CD68: variants seen among roughly 807,000 people sequenced by gnomAD.
The protein encoded by CD68 is macrosialin.
In CD68, 24 loss-of-function variants were observed where a neutral mutation model predicts 31.3. The ratio of observed to expected loss-of-function variants is 0.77; its 90% CI spans 0.55 to 1.08. CD68 has a LOEUF of 1.08. CD68 is among the 50% of genes least tolerant of loss of function. The pLI, the probability that CD68 is intolerant of heterozygous loss-of-function variation, is 0.00. For synonymous variants in CD68, 190 were observed against 179.6 expected (o/e 1.06, Z -0.46); for missense variants, 461 against 442.5 (o/e 1.04, Z -0.38).
rs1442473275 is a variant in CD68 at position 7,579,922 on chromosome 17, C to G, written c.162C>G (p.Thr54=). The change falls in exon 2 of 6, where the codon ACC becomes ACG. Residue 54 remains threonine, a synonymous_variant. Transcript: ENST00000250092. ...CTGGAACAACCAGCCACAGGACTACCAAGAGCCACAAAACCACCACTCACA... is the reference window on the plus strand; with the variant it reads ...CTGGAACAACCAGCCACAGGACTACGAAGAGCCACAAAACCACCACTCACA... ...ESTGTTSHRT[T]KSHKTTTHRT... 1.2e-6 allele frequency: 2 copies of G among 1,614,034 alleles called. No homozygotes were observed. The highest frequency in any genetic ancestry group is 1.3e-5 in the African/African-American group (1 of 74,978).
At position 7,580,017 on chromosome 17, in the gene CD68, A is replaced by G. The variant is rs1276962892; in HGVS notation, c.257A>G (p.His86Arg). ...TATHNPTTTS[H>R]GNVTVHPTSN... is the part of the protein sequence containing the mutation. ...ACTCACAACCCCACCACCACCAGCC[A>G]TGGAAACGTCACAGTTCATCCAACA... The change falls in exon 2 of 6, where the codon CAT (histidine) becomes CGT (arginine). Residue 86 changes from histidine (H) to arginine (R), a missense_variant. Coordinates refer to ENST00000250092, the MANE Select transcript of CD68 (RefSeq NM_001251.3). The surrounding 1 kb of genome is among the most constrained non-coding windows in gnomAD (Gnocchi z 4.3). 7 of 1,609,020 alleles carry G rather than the reference A, an allele frequency of 4.4e-6. No homozygotes were observed. The highest frequency in any genetic ancestry group is 6.0e-6 in the Non-Finnish European group (7 of 1,175,932).
intron 5 of CD68, 82 bp downstream of exon 5, chr17:7,581,148 TCTC>T: frequency 7.5e-7 from 1 of 1,328,958 alleles, no homozygotes; most frequent in Non-Finnish European, 1.1e-6. Context: ...GCCACTCATC[TCTC>T]TTCTTAACCC....
At chr17:7,581,155 T>C (rs2071480014) in intron 5 of CD68, 89 bp downstream of exon 5, 1 of 1,290,452 alleles carries the variant, frequency 7.7e-7, no homozygotes, top group Non-Finnish European at 1.1e-6. Context: ...ATCTCTCTTC[T>C]TAACCCCCCA....
At chr17:7,581,182 C>T in intron 5 of CD68, 116 bp downstream of exon 5, 1 of 1,174,130 alleles carries the variant, frequency 8.5e-7, no homozygotes. Context: ...GCTCTCCCAG[C>T]TTGTCATGGC....
At position 7,580,835 on chromosome 17, in the gene CD68, T is replaced by C; in HGVS notation, c.760+52T>C. 1.2e-6 allele frequency: 2 copies of C among 1,613,678 alleles called. No homozygotes were observed. Among genetic ancestry groups the C allele is most frequent in the Non-Finnish European group, 8.5e-7 (1 of 1,179,674 alleles). The stretch of plus-strand genomic sequence containing the variant: ...TGCTACCACTAGACGCCAGGGTTCC[T>C]GAAAGGACTAAGCTGGGGCCAGGGA... On this transcript the variant is annotated intron_variant, in intron 4 of 5. Transcript: ENST00000250092. This position sits in a 1 kb window ranked among gnomAD's most constrained non-coding sequence, Gnocchi z 4.3.
chr17:7,580,378 G>C lies in CD68; in HGVS notation c.567+51G>C, dbSNP rs1318132063. 1.2e-6 allele frequency: 2 copies of C among 1,608,906 alleles called. No individual in the cohort carries two copies. Among genetic ancestry groups the C allele is most frequent in the Non-Finnish European group, 1.7e-6 (2 of 1,176,444 alleles). Reference sequence around the variant, plus strand: ...GGGGAGGGAGGCAGGACTGGATATAGGCTCAGAGGGAAGAAGGAAGAGGGG... The same window carrying C: ...GGGGAGGGAGGCAGGACTGGATATACGCTCAGAGGGAAGAAGGAAGAGGGG... On this transcript the variant is annotated intron_variant, in intron 2 of 5. Transcript: ENST00000250092. The surrounding 1 kb of genome is among the most constrained non-coding windows in gnomAD (Gnocchi z 4.3).
Position 7,581,540 on chromosome 17 carries a change from G to C in CD68, c.*29G>C, listed in dbSNP as rs145691004. 6.2e-7 allele frequency: 1 copy of C among 1,613,198 alleles called. No individual in the cohort carries two copies. Among genetic ancestry groups the C allele is most frequent in the Admixed American group, 1.7e-5 (1 of 60,012 alleles). On this transcript the variant is annotated 3_prime_UTR_variant, in exon 6 of 6. Coordinates refer to ENST00000250092, the MANE Select transcript of CD68 (RefSeq NM_001251.3). Reference sequence around the variant, plus strand: ...TTTGCTTCAAACCCCAGGGCACTGAGGGGGTTGGGGTGTGGTGGGGGGGTA... The same window carrying C: ...TTTGCTTCAAACCCCAGGGCACTGACGGGGTTGGGGTGTGGTGGGGGGGTA...
chr17:7,580,564 C>T lies in CD68; in HGVS notation c.666C>T (p.His222=). 1 of 1,614,052 alleles carries T rather than the reference C, an allele frequency of 6.2e-7. No homozygotes were observed. The highest frequency in any genetic ancestry group is 8.5e-7 in the Non-Finnish European group (1 of 1,179,994). Residue 222 remains histidine, a synonymous_variant, in exon 3 of 6, where the codon CAC becomes CAT. Transcript: ENST00000250092. This position sits in a 1 kb window ranked among gnomAD's most constrained non-coding sequence, Gnocchi z 4.3. ...PHLLLSFPYG[H]LSFGFMQDLQ... ...TGCTTCTCTCATTCCCCTATGGACA[C>T]CTCAGCTTTGGATTCATGCAGGTAT...
chr17:7,580,352 A>G lies in CD68; in HGVS notation c.567+25A>G. On this transcript the variant is annotated intron_variant, in intron 2 of 5. Transcript: ENST00000250092. The surrounding 1 kb of genome is among the most constrained non-coding windows in gnomAD (Gnocchi z 4.3). ...GGTAAAGCTAAAACTGGGGGATGAG[A>G]GGGGAGGGAGGCAGGACTGGATATA... 1.2e-6 allele frequency: 2 copies of G among 1,608,054 alleles called. No individual in the cohort carries two copies. The highest frequency in any genetic ancestry group is 1.7e-6 in the Non-Finnish European group (2 of 1,175,800).
Position 7,580,658 on chromosome 17 carries a change from C to T in CD68, c.688-53C>T. 6.2e-7 allele frequency: 1 copy of T among 1,613,740 alleles called. No homozygotes were observed. Among genetic ancestry groups the T allele is most frequent in the South Asian group, 1.1e-5 (1 of 91,078 alleles). On this transcript the variant is annotated intron_variant, in intron 3 of 5. Coordinates refer to ENST00000250092, the MANE Select transcript of CD68 (RefSeq NM_001251.3). This position sits in a 1 kb window ranked among gnomAD's most constrained non-coding sequence, Gnocchi z 4.3. ...CCTCCCCTCCCAATCCCACACGCTA[C>T]TCCTTCCTCTGTGGAGAGGGATACC...
chr17:7,581,255 T>C (rs2071481382), intron 5 of CD68, 123 bp from the exon 6 acceptor site: 8 of 1,280,342 alleles, frequency 6.2e-6, no homozygotes, highest in Non-Finnish European at 6.7e-6. Context: ...TTATCACTGC[T>C]GAGTCACTGC....
At position 7,580,312 on chromosome 17, in the gene CD68, C is replaced by G. The variant is rs542221007; in HGVS notation, c.552C>G (p.Thr184=). Residue 184 remains threonine (T), a synonymous_variant, in exon 2 of 6, where the codon ACC becomes ACG. Coordinates refer to ENST00000250092, the MANE Select transcript of CD68 (RefSeq NM_001251.3). This position sits in a 1 kb window ranked among gnomAD's most constrained non-coding sequence, Gnocchi z 4.3. ...TTCAGATTCGAGTCATGTACACAAC[C>G]CAGGGTGGAGGAGAGGTAAAGCTAA... ...AQIQIRVMYT[T]QGGGEAWGIS... 1.2e-6 allele frequency: 2 copies of G among 1,613,086 alleles called. No homozygotes were observed. Among genetic ancestry groups the G allele is most frequent in the African/African-American group, 2.7e-5 (2 of 74,960 alleles).
In CD68 at chr17:7,581,537, T is replaced by A. The variant is rs761679144; in HGVS notation, c.*26T>A. 4 of 1,612,830 alleles carry A rather than the reference T, an allele frequency of 2.5e-6. No individual in the cohort carries two copies. In the African/African-American group the frequency reaches 4.0e-5, roughly 16 times the overall value. The stretch of plus-strand genomic sequence containing the variant: ...GCATTTGCTTCAAACCCCAGGGCAC[T>A]GAGGGGGTTGGGGTGTGGTGGGGGG... On this transcript the variant is annotated 3_prime_UTR_variant, in exon 6 of 6. Transcript: ENST00000250092.
In CD68 at chr17:7,582,094, G is replaced by A. The variant is rs550895606; in HGVS notation, c.*583G>A. The A allele has an allele frequency of 4.5e-5, 25 of 560,818 alleles. No individual in the cohort carries two copies. In the African/African-American group the frequency reaches 5.9e-4, roughly 13 times the overall value. 34.7% of individuals were successfully genotyped at this position (560,818 alleles called of 1,614,324 possible). A position where few individuals can be genotyped will look rare whatever the true frequency, so the allele number is the denominator to read the frequency against. On this transcript the variant is annotated 3_prime_UTR_variant, in exon 6 of 6. Transcript: ENST00000250092. ...TTTCCTTGTCCTGCCAGGATTAAAAGCCATGAGTTTCTTGTCACATGCCTT... is the reference window on the plus strand; with the variant it reads ...TTTCCTTGTCCTGCCAGGATTAAAAACCATGAGTTTCTTGTCACATGCCTT...
At position 7,581,372 on chromosome 17, in the gene CD68, C is replaced by T. The variant is rs780340661; in HGVS notation, c.932-6C>T. On this transcript the variant is annotated splice_polypyrimidine_tract_variant and splice_region_variant and intron_variant, in intron 5 of 5. Coordinates refer to ENST00000250092, the MANE Select transcript of CD68 (RefSeq NM_001251.3). ...CAAATACCTACCTGCCCTATCCTTCCGCCAGGTTTCTCCTGCCCCAGTGAC... is the reference window on the plus strand; with the variant it reads ...CAAATACCTACCTGCCCTATCCTTCTGCCAGGTTTCTCCTGCCCCAGTGAC... The T allele has an allele frequency of 1.1e-5, 18 of 1,614,102 alleles. No individual in the cohort carries two copies. Among genetic ancestry groups the T allele is most frequent in the Middle Eastern group, 1.7e-4 (1 of 6,056 alleles).
chr17:7,579,785 C>T lies in CD68; in HGVS notation c.50-25C>T, dbSNP rs370219124. The T allele has an allele frequency of 1.9e-6, 3 of 1,607,084 alleles. No individual in the cohort carries two copies. The African/African-American group carries it at 4.0e-5, about 22-fold the overall frequency. On this transcript the variant is annotated intron_variant, in intron 1 of 5. Coordinates refer to ENST00000250092, the MANE Select transcript of CD68 (RefSeq NM_001251.3). ...CTGGGAGGGAGCCTGCCCTGGGTTG[C>T]TAACCATCTCCTCTCTGCCAAAAGC... is the stretch of plus-strand genomic sequence containing the variant.
chr17:7,580,526 G>A lies in CD68; in HGVS notation c.628G>A (p.Ala210Thr). 1 of 1,614,002 alleles carries A rather than the reference G, an allele frequency of 6.2e-7. No homozygotes were observed. Among genetic ancestry groups the A allele is most frequent in the Non-Finnish European group, 8.5e-7 (1 of 1,179,992 alleles). Residue 210 changes from alanine (A) to threonine (T), a missense_variant, in exon 3 of 6, where the codon GCC becomes ACC. Coordinates refer to ENST00000250092, the MANE Select transcript of CD68 (RefSeq NM_001251.3). The surrounding 1 kb of genome is among the most constrained non-coding windows in gnomAD (Gnocchi z 4.3). Reference sequence around the variant, plus strand: ...CAAGGTCCAGGGAAGCTGTGAGGGTGCCCATCCCCACCTGCTTCTCTCATT... The same window carrying A: ...CAAGGTCCAGGGAAGCTGTGAGGGTACCCATCCCCACCTGCTTCTCTCATT... ...KTKVQGSCEG[A>T]HPHLLLSFPY...
Position 7,579,693 on chromosome 17 carries a change from C to T in CD68, c.16C>T (p.Leu6Phe). The stretch of plus-strand genomic sequence containing the variant: ...CGGTTCAGCCATGAGGCTGGCTGTG[C>T]TTTTCTCGGGGGCCCTGCTGGGGCT... MRLAV[L>F]FSGALLGLLA... The change falls in exon 1 of 6, where the codon CTT becomes TTT. Residue 6 changes from leucine to phenylalanine, a missense_variant. Coordinates refer to ENST00000250092, the MANE Select transcript of CD68 (RefSeq NM_001251.3). 6.2e-7 allele frequency: 1 copy of T among 1,603,514 alleles called. No individual in the cohort carries two copies. Among genetic ancestry groups the T allele is most frequent in the Non-Finnish European group, 8.5e-7 (1 of 1,175,918 alleles).
Position 7,581,487 on chromosome 17 carries a change from C to A in CD68, c.1041C>A (p.Arg347=), listed in dbSNP as rs778166210. Residue 347 remains arginine, a synonymous_variant, in exon 6 of 6, where the codon CGC becomes CGA. Transcript: ENST00000250092. The stretch of plus-strand genomic sequence containing the variant: ...TTGCTTTCTGCATCATCCGGAGACG[C>A]CCATCCGCCTACCAGGCCCTCTGAG... The part of the protein sequence containing the change: ...VLIAFCIIRR[R]PSAYQAL 6.2e-6 allele frequency: 10 copies of A among 1,614,088 alleles called. No individual in the cohort carries two copies. The highest frequency in any genetic ancestry group is 8.5e-6 in the Non-Finnish European group (10 of 1,180,054).
Sources: gnomAD v4.1 joint callset for allele counts on GRCh38, gnomAD v4.1.1 for gene constraint, Gnocchi (gnomAD v3.1) non-coding constraint, MANE v1.5 for transcripts, NCBI Gene and HGNC (gene_info 2026-07-23, HGNC 2026-07-21) for gene names.